APP: variants seen among roughly 807,000 people sequenced by gnomAD.
APP encodes amyloid-beta precursor protein.
APP carries 31 observed loss-of-function variants against 101.4 expected under a neutral mutation model. The observed-to-expected ratio is 0.31, with a 90% CI of 0.23 to 0.41. APP has a LOEUF of 0.41. Among genes scored for constraint, APP ranks in the 10% least tolerant of loss-of-function variants. The pLI, the probability that APP is intolerant of heterozygous loss-of-function variation, is 1.00. For synonymous variants in APP, 366 were observed against 364.4 expected (o/e 1.00, Z -0.05); for missense variants, 839 against 1,003.7 (o/e 0.84, Z 2.22).
intron 5 of APP, among the ~76,000 whole-genome samples, chr21:26,027,837 C>G (rs1164706513): frequency 1.3e-5 from 2 of 152,138 alleles, no homozygotes; most frequent in African/African-American, 4.8e-5. Context: ...CATAAGCCCA[C>G]CTGGGGCCCT....
At chr21:26,092,875 A>T (rs757503068) in intron 2 of APP, among the ~76,000 whole-genome samples, 6 of 152,170 alleles carry the variant, frequency 3.9e-5, no homozygotes, top group Admixed American at 2.6e-4. Flanking sequence ...ACAAAAATTT[A>T]AAAATAAGGT....
intron 7 of APP, among the ~76,000 whole-genome samples, chr21:25,997,664 G>C (rs1219067854): frequency 6.6e-6 from 1 of 152,138 alleles, no homozygotes; most frequent in African/African-American, 2.4e-5. Flanking sequence ...TTTCTTAACA[G>C]AAGAGGATTT....
intron 1 of APP, among the ~76,000 whole-genome samples, chr21:26,164,344 G>A (rs1472651578): frequency 1.3e-5 from 2 of 152,220 alleles, no homozygotes; most frequent in African/African-American, 4.8e-5. Flanking sequence ...CCCTGTCCTT[G>A]GGTGAACATA....
intron 1 of APP, among the ~76,000 whole-genome samples, chr21:26,152,151 G>A (rs1432063253): frequency 2.6e-5 from 4 of 151,780 alleles, no homozygotes; most frequent in South Asian, 2.1e-4. Flanking sequence ...CGGGCGTGGT[G>A]GCGGGCGCCC....
intron 1 of APP, among the ~76,000 whole-genome samples, chr21:26,149,278 T>G (rs1292301665): frequency 2.0e-5 from 3 of 152,154 alleles, no homozygotes. Context: ...AAACATAGTT[T>G]AAACCCAGTC....
intron 3 of APP, among the ~76,000 whole-genome samples, chr21:26,079,976 C>A (rs1003925492): frequency 1.3e-5 from 2 of 151,962 alleles, no homozygotes; most frequent in Admixed American, 6.6e-5. Context: ...ATACAAAAAT[C>A]TGCTAGGTGT....
In APP at chr21:25,979,006, C is replaced by T. The variant is rs559950328; in HGVS notation, c.1225-2978G>A. On this transcript the variant is annotated intron_variant, in intron 9 of 17. Transcript: ENST00000346798. Reference sequence around the variant, plus strand: ...TTGGGTCAGCTTTCAATTTGAAGGACTTCATTTTAAGCATATACTAAAAGT... The same window carrying T: ...TTGGGTCAGCTTTCAATTTGAAGGATTTCATTTTAAGCATATACTAAAAGT... Among the ~76,000 whole-genome samples the T allele has an allele frequency of 4.9e-4, 74 of 152,140 alleles. 1 individual carries two copies. In the South Asian group the frequency reaches 0.015, roughly 31 times the overall value.
chr21:26,092,940 G>A (rs2061858244), intron 2 of APP, among the ~76,000 whole-genome samples: 1 of 152,196 alleles, frequency 6.6e-6, no homozygotes. Flanking sequence ...TATGCTAAGA[G>A]AACACACAAA....
intron 13 of APP, among the ~76,000 whole-genome samples, chr21:25,920,260 C>T (rs2039564437): frequency 6.6e-6 from 1 of 152,130 alleles, no homozygotes; most frequent in Non-Finnish European, 1.5e-5. Flanking sequence ...CCGGTACCAG[C>T]CGCTGCAAAA....
rs547039030 is a variant in APP at position 25,886,172 on chromosome 21, GA to G, written c.2212-4402del. On this transcript the variant is annotated intron_variant, in intron 17 of 17. Coordinates refer to ENST00000346798, the MANE Select transcript of APP (RefSeq NM_000484.4). ...ACATCAAAGGAGCCACAAGTCTGCG[GA>G]AAAAAAAAATAAAAGCAAAGAAAAT... 1.1e-4 allele frequency among the ~76,000 whole-genome samples: 16 copies of G among 148,758 alleles called. No homozygotes were observed. In the East Asian group the frequency reaches 1.2e-3, roughly 11 times the overall value.
intron 13 of APP, among the ~76,000 whole-genome samples, chr21:25,913,563 AAG>A (rs1387493342): frequency 6.6e-6 from 1 of 152,224 alleles, no homozygotes; most frequent in Non-Finnish European, 1.5e-5. Flanking sequence ...TACTATGCTA[AAG>A]AGAGGATATT....
At chr21:25,997,617 T>C (rs1169711317) in intron 7 of APP, among the ~76,000 whole-genome samples, 2 of 152,194 alleles carry the variant, frequency 1.3e-5, no homozygotes, top group Non-Finnish European at 2.9e-5. Context: ...GAATGCTGGA[T>C]ATTTTGTCTC....
chr21:25,895,873 C>A (rs865954254), intron 16 of APP, among the ~76,000 whole-genome samples: 2 of 152,196 alleles, frequency 1.3e-5, no homozygotes, highest in Middle Eastern at 3.4e-3. Flanking sequence ...TAAGAAAATA[C>A]TGTAATTTTG....
At chr21:25,997,136 T>C in intron 8 of APP, 1 of 577,350 alleles carries the variant, frequency 1.7e-6, no homozygotes. Flanking sequence ...AGGAAATTGG[T>C]CAGAAATAGA....
At chr21:25,968,796 C>T (rs527742874) in intron 11 of APP, among the ~76,000 whole-genome samples, 113 of 152,194 alleles carry the variant, frequency 7.4e-4, no homozygotes, top group Non-Finnish European at 1.2e-3. Context: ...TGAGAATATA[C>T]GGTAGAATTT....
chr21:25,901,305 A>C (rs1314672614), intron 15 of APP, among the ~76,000 whole-genome samples: 3 of 69,168 alleles, frequency 4.3e-5, no homozygotes, highest in Non-Finnish European at 9.6e-5. Flanking sequence ...TTAAAAAAAA[A>C]AAAAAAAAAA....
At chr21:26,102,889 C>CAAAAAAAAAAA (rs3084283) in intron 2 of APP, among the ~76,000 whole-genome samples, 1 of 63,092 alleles carries the variant, frequency 1.6e-5, no homozygotes, top group African/African-American at 5.9e-5. Context: ...GACTCTGTCT[C>CAAAAAAAAAAA]AAAAAAAAAA....
intron 1 of APP, among the ~76,000 whole-genome samples, chr21:26,169,752 CT>C (rs1458079048): frequency 6.6e-6 from 1 of 152,208 alleles, no homozygotes; most frequent in Non-Finnish European, 1.5e-5. Context: ...GGTGTCGCGG[CT>C]TTTGTTCCCG....
intron 2 of APP, among the ~76,000 whole-genome samples, chr21:26,095,689 C>A (rs946449698): frequency 1.3e-5 from 2 of 152,072 alleles, no homozygotes; most frequent in South Asian, 4.2e-4. Context: ...CTGTAAGTAT[C>A]GGTTCAATGT....
Sources: allele counts gnomAD v4.1 joint callset (sites outside exome capture counted in the v4.1 genomes callset), GRCh38; gene constraint gnomAD v4.1.1; transcripts MANE v1.5; gene names NCBI Gene and HGNC (gene_info 2026-07-23, HGNC 2026-07-21).